The following NKAIN3 variants were observed in gnomAD, a reference collection of about 807,000 sequenced individuals.
NKAIN3 encodes sodium/potassium-transporting ATPase subunit beta-1-interacting protein 3.
In NKAIN3, 25 loss-of-function variants were observed where a neutral mutation model predicts 30.2. The observed-to-expected ratio is 0.83, with a 90% CI of 0.60 to 1.16. The LOEUF (loss-of-function observed/expected upper bound fraction) is 1.16. Ranked by LOEUF, NKAIN3 falls within the 50% of genes most tolerant of loss-of-function variation. The pLI is 0.00. For missense variants in NKAIN3, 225 were observed against 254.1 expected (o/e 0.89, Z 0.78); for synonymous variants, 91 against 89.6 (o/e 1.02, Z -0.09).
At chr8:62,763,446 A>G (rs1437288247) in intron 4 of NKAIN3, among the ~76,000 whole-genome samples, 1 of 152,108 alleles carries the variant, frequency 6.6e-6, no homozygotes, top group Non-Finnish European at 1.5e-5. Flanking sequence ...AGCTACAGGG[A>G]AGTGGTATTC....
At chr8:62,761,509 T>G (rs866752099) in intron 4 of NKAIN3, among the ~76,000 whole-genome samples, 2 of 152,200 alleles carry the variant, frequency 1.3e-5, no homozygotes, top group Non-Finnish European at 2.9e-5. Flanking sequence ...AAGTGTTTAC[T>G]TAGTATATTG....
chr8:62,365,858 AT>A (rs1342210664), intron 1 of NKAIN3, among the ~76,000 whole-genome samples: 1 of 152,082 alleles, frequency 6.6e-6, no homozygotes, highest in East Asian at 1.9e-4. Context: ...GAGCTTGAGC[AT>A]TTTTGCTTAT....
At chr8:62,878,868 T>G (rs1390172486) in intron 4 of NKAIN3, among the ~76,000 whole-genome samples, 1 of 152,178 alleles carries the variant, frequency 6.6e-6, no homozygotes, top group African/African-American at 2.4e-5. Flanking sequence ...TGCATAGTAT[T>G]CCATGGTGTA....
At chr8:62,719,758 T>C (rs936801954) in intron 3 of NKAIN3, among the ~76,000 whole-genome samples, 46 of 143,348 alleles carry the variant, frequency 3.2e-4, no homozygotes, top group South Asian at 7.0e-4. Flanking sequence ...TCTTTCTTTT[T>C]TTTTTTTTTT....
chr8:62,830,655 G>A (rs937817279), intron 4 of NKAIN3, among the ~76,000 whole-genome samples: 1 of 152,168 alleles, frequency 6.6e-6, no homozygotes, highest in African/African-American at 2.4e-5. Context: ...TCCAAGCCCA[G>A]GCACTTGGAC....
chr8:62,521,375 G>A (rs918367407), intron 1 of NKAIN3, among the ~76,000 whole-genome samples: 4 of 152,126 alleles, frequency 2.6e-5, no homozygotes, highest in Non-Finnish European at 5.9e-5. Context: ...CCTTGTCTGG[G>A]AATGTGTTGA....
intron 1 of NKAIN3, among the ~76,000 whole-genome samples, chr8:62,508,181 G>T (rs140477891): frequency 6.6e-6 from 1 of 152,186 alleles, no homozygotes; most frequent in African/African-American, 2.4e-5. Flanking sequence ...ATTAGAGAGT[G>T]GTGAACCCTC....
At chr8:62,251,019 A>G (rs1325966539) in intron 1 of NKAIN3, among the ~76,000 whole-genome samples, 1 of 152,076 alleles carries the variant, frequency 6.6e-6, no homozygotes, top group Non-Finnish European at 1.5e-5. Flanking sequence ...ATCTTTACAA[A>G]CTCTGCAAGT....
chr8:62,400,335 C>A (rs1817898516), intron 1 of NKAIN3, among the ~76,000 whole-genome samples: 2 of 151,840 alleles, frequency 1.3e-5, no homozygotes, highest in South Asian at 2.1e-4. Context: ...CCATGCCCAG[C>A]TAATTTTTGT....
intron 4 of NKAIN3, 78 bp downstream of exon 4, chr8:62,747,207 A>T: frequency 1.2e-6 from 1 of 854,900 alleles, no homozygotes; most frequent in Non-Finnish European, 1.9e-6. Flanking sequence ...TACCTGATAG[A>T]AAATGCCACA....
intron 3 of NKAIN3, among the ~76,000 whole-genome samples, chr8:62,644,584 A>G (rs1417607880): frequency 6.6e-6 from 1 of 152,146 alleles, no homozygotes; most frequent in Non-Finnish European, 1.5e-5. Flanking sequence ...TTTAAAGGTT[A>G]GGTGAATCAG....
Position 62,983,078 on chromosome 8 carries a change from A to T in NKAIN3, c.*17671A>T, listed in dbSNP as rs1393421802. The stretch of plus-strand genomic sequence containing the variant: ...TAGCTACCATACCAGCATTTGGTAA[A>T]CTAGCTCCCTAGGTGAGACAGCATT... On this transcript the variant is annotated 3_prime_UTR_variant, in exon 7 of 7. Coordinates refer to ENST00000623646, the MANE Select transcript of NKAIN3 (RefSeq NM_001304533.3). 1 of 152,176 alleles carries T rather than the reference A, an allele frequency of 6.6e-6. No homozygotes were observed. Among genetic ancestry groups the T allele is most frequent in the Non-Finnish European group, 1.5e-5 (1 of 68,048 alleles). The allele number at this position is 152,176 out of a possible 1,614,324, so 9.4% of individuals were successfully genotyped here.
chr8:62,977,064 A>T lies in NKAIN3; in HGVS notation c.*11657A>T, dbSNP rs975141111. 2.0e-5 allele frequency among the ~76,000 whole-genome samples: 3 copies of T among 152,172 alleles called. No individual in the cohort carries two copies. The highest frequency in any genetic ancestry group is 7.2e-5 in the African/African-American group (3 of 41,450). On this transcript the variant is annotated 3_prime_UTR_variant, in exon 7 of 7. Transcript: ENST00000623646. ...TGCAGAGAGATCTGCTGTTAGTATGATGGGCTTCCCTTTGTAGGTAACCCA... is the reference window on the plus strand; with the variant it reads ...TGCAGAGAGATCTGCTGTTAGTATGTTGGGCTTCCCTTTGTAGGTAACCCA...
chr8:62,586,535 C>T (rs1349682758), intron 2 of NKAIN3, among the ~76,000 whole-genome samples: 1 of 152,184 alleles, frequency 6.6e-6, no homozygotes, highest in Non-Finnish European at 1.5e-5. Context: ...AAGAAACTTA[C>T]TCTACATTTT....
chr8:62,656,495 G>A (rs529444077), intron 3 of NKAIN3, among the ~76,000 whole-genome samples: 45 of 151,668 alleles, frequency 3.0e-4, no homozygotes, highest in South Asian at 1.0e-3. Flanking sequence ...AAGAAAGAAA[G>A]AAAAAAAGGA....
rs76151090 is a variant in NKAIN3, at chr8:62,894,027, G to A, written c.472-24426G>A. Among the ~76,000 whole-genome samples the A allele has an allele frequency of 3.5e-3, 529 of 152,260 alleles. 3 individuals carry two copies. Among genetic ancestry groups the A allele is most frequent in the African/African-American group, 0.012 (511 of 41,552 alleles). On this transcript the variant is annotated intron_variant, in intron 4 of 6. Transcript: ENST00000623646. Reference sequence around the variant, plus strand: ...TGAAAACCCAGGACTCCATATAATAGATTAAATGAATTGTATCAAGACCCA... The same window carrying A: ...TGAAAACCCAGGACTCCATATAATAAATTAAATGAATTGTATCAAGACCCA...
At chr8:62,313,148 C>CT (rs748220881) in intron 1 of NKAIN3, among the ~76,000 whole-genome samples, 4 of 152,052 alleles carry the variant, frequency 2.6e-5, no homozygotes, top group Non-Finnish European at 5.9e-5. Flanking sequence ...AGAACCACTT[C>CT]TTTTTTTCTC....
intron 4 of NKAIN3, among the ~76,000 whole-genome samples, chr8:62,905,871 T>TC (rs1215941051): frequency 6.6e-6 from 1 of 152,212 alleles, no homozygotes; most frequent in African/African-American, 2.4e-5. Context: ...TTCACTCACT[T>TC]CCTTAGTCAC....
intron 4 of NKAIN3, among the ~76,000 whole-genome samples, chr8:62,764,379 G>A (rs1328573283): frequency 1.3e-5 from 2 of 152,206 alleles, no homozygotes; most frequent in African/African-American, 4.8e-5. Context: ...GTTGGGGAGA[G>A]GGCATTAATC....
Sources: gnomAD v4.1 joint callset for allele counts (sites outside exome capture counted in the v4.1 genomes callset) on GRCh38, gnomAD v4.1.1 for gene constraint, MANE v1.5 for transcripts, NCBI Gene and HGNC (gene_info 2026-07-23, HGNC 2026-07-21) for gene names.